CCDC30: variants seen among roughly 807,000 people sequenced by gnomAD.
CCDC30 encodes the protein coiled-coil domain containing 30.
CCDC30 carries 70 observed loss-of-function variants against 100.2 expected under a neutral mutation model. The observed-to-expected ratio is 0.70, with a 90% CI of 0.58 to 0.85. The LOEUF (loss-of-function observed/expected upper bound fraction) is 0.85, where lower values mean the gene tolerates loss of function less well. Ranked by LOEUF, CCDC30 falls within the 40% of genes least tolerant of loss-of-function variation. The probability of loss-of-function intolerance (pLI) is 0.00; values close to 1 mark genes in which losing one functional copy is unlikely to be tolerated. For missense variants in CCDC30, 652 were observed against 771.2 expected, an observed-to-expected ratio of 0.85 and a Z score of 1.83; for synonymous variants, 233 against 269.5, an observed-to-expected ratio of 0.86 and a Z score of 1.33.
At chr1:42,542,135 A>G (rs538047828) in intron 6 of CCDC30, among the ~76,000 whole-genome samples, 1 of 152,368 alleles carries the variant, frequency 6.6e-6, no homozygotes, top group Admixed American at 6.5e-5. Context: ...TGGTAGGAAG[A>G]AGTCTGTGGA....
At chr1:42,532,153 T>A (rs561668523) in intron 6 of CCDC30, among the ~76,000 whole-genome samples, 1 of 152,252 alleles carries the variant, frequency 6.6e-6, no homozygotes, top group South Asian at 2.1e-4. Flanking sequence ...AAAGACTTAA[T>A]GTTTTTGCCA....
intron 15 of CCDC30, among the ~76,000 whole-genome samples, chr1:42,646,520 T>A (rs573738243): frequency 6.6e-6 from 1 of 152,344 alleles, no homozygotes; most frequent in Admixed American, 6.5e-5. Context: ...CACAACTTCC[T>A]GCAGGCAGAA....
rs1570050701 is a variant in CCDC30, at chr1:42,557,719, A to ATATATTAAATAAAATATGT, written c.457-8575_457-8574insTATTAAATAAAATATGTTA. ...TAAATATATTAAATAAAATATGTAAATAATAAAATATTTAAAATTTTAAAA... is the reference window on the plus strand; with the variant it reads ...TAAATATATTAAATAAAATATGTAAATATATTAAATAAAATATGTTAATAAAATATTTAAAATTTTAAAA... On this transcript the variant is annotated intron_variant, in intron 6 of 16. Coordinates refer to ENST00000668663, the Ensembl canonical transcript of CCDC30. Among the ~76,000 whole-genome samples, 16 of 107,108 alleles carry ATATATTAAATAAAATATGT rather than the reference A, an allele frequency of 1.5e-4. No homozygotes were observed. The East Asian group carries it at 4.2e-3, about 28-fold the overall frequency. 70.3% of individuals were successfully genotyped at this position (107,108 alleles called of 152,430 possible).
chr1:42,636,144 A>G (rs6693602), intron 11 of CCDC30, among the ~76,000 whole-genome samples: 23,921 of 152,052 alleles, frequency 0.16, 2,106 homozygotes, highest in South Asian at 0.31. Flanking sequence ...GTCCAGATTC[A>G]CTGGGTGGCT....
chr1:42,606,034 C>T (rs1487527479), intron 10 of CCDC30, among the ~76,000 whole-genome samples: 2 of 152,088 alleles, frequency 1.3e-5, no homozygotes, highest in East Asian at 1.9e-4. Flanking sequence ...GTTGTGAAAG[C>T]GTATATGTAG....
At chr1:42,476,109 G>A (rs1257497592) in intron 1 of CCDC30, among the ~76,000 whole-genome samples, 1 of 152,094 alleles carries the variant, frequency 6.6e-6, no homozygotes, top group Admixed American at 6.6e-5. Context: ...CTTTAACAAG[G>A]TCTGTAAAGA....
At chr1:42,539,076 C>T (rs1287792137) in intron 6 of CCDC30, 97 bp from the exon 8 acceptor site, 7 of 1,017,080 alleles carry the variant, frequency 6.9e-6, no homozygotes, top group Non-Finnish European at 9.3e-6. Context: ...AAAAATTTGT[C>T]AGGACCATTT....
intron 6 of CCDC30, among the ~76,000 whole-genome samples, chr1:42,563,652 G>A (rs957779561): frequency 3.0e-4 from 46 of 152,226 alleles, no homozygotes; most frequent in African/African-American, 1.0e-3. Flanking sequence ...AGGCCAAGGC[G>A]GGTGGATCAC....
intron 6 of CCDC30, among the ~76,000 whole-genome samples, chr1:42,521,918 T>C (rs1469274540): frequency 3.3e-5 from 5 of 152,050 alleles, no homozygotes; most frequent in Admixed American, 6.5e-5. Context: ...TGTCTTTTTT[T>C]ATTCTTTCAC....
At chr1:42,521,750 T>C (rs1569899807) in intron 6 of CCDC30, among the ~76,000 whole-genome samples, 1 of 152,146 alleles carries the variant, frequency 6.6e-6, no homozygotes, top group East Asian at 1.9e-4. Context: ...CCAAAATATG[T>C]GTAATTATGA....
chr1:42,465,805 C>G (rs1643560347), intron 1 of CCDC30, among the ~76,000 whole-genome samples: 1 of 152,140 alleles, frequency 6.6e-6, no homozygotes, highest in South Asian at 2.1e-4. Context: ...GGATGCTGCT[C>G]CATATCTTAA....
chr1:42,518,266 T>C (rs1335764090), intron 6 of CCDC30, among the ~76,000 whole-genome samples: 1 of 152,194 alleles, frequency 6.6e-6, no homozygotes, highest in Non-Finnish European at 1.5e-5. Context: ...CTTTCCAGAT[T>C]GTTCATTGTT....
intron 6 of CCDC30, among the ~76,000 whole-genome samples, chr1:42,519,040 A>G (rs935317873): frequency 6.6e-6 from 1 of 152,240 alleles, no homozygotes; most frequent in East Asian, 1.9e-4. Flanking sequence ...AGATTATTAT[A>G]TGGGTGTTTT....
At chr1:42,586,992 G>A (rs2762692) in intron 9 of CCDC30, among the ~76,000 whole-genome samples, 91,357 of 151,848 alleles carry the variant, frequency 0.6, 27,942 homozygotes, top group East Asian at 0.81. Flanking sequence ...TTTGACTTCC[G>A]AATTTGCTTT....
At chr1:42,510,921 T>C (rs1009726377) in intron 6 of CCDC30, among the ~76,000 whole-genome samples, 1 of 151,966 alleles carries the variant, frequency 6.6e-6, no homozygotes, top group Non-Finnish European at 1.5e-5. Context: ...AAGGCCATGC[T>C]CTTGTGTAAA....
chr1:42,529,517 A>T (rs1644775617), intron 6 of CCDC30: 1 of 152,184 alleles, frequency 6.6e-6, no homozygotes, highest in Non-Finnish European at 1.5e-5. Flanking sequence ...AGTTAGTAAT[A>T]ATCAATTAGA....
At chr1:42,630,422 G>A (rs988761264) in intron 11 of CCDC30, among the ~76,000 whole-genome samples, 2 of 143,220 alleles carry the variant, frequency 1.4e-5, no homozygotes, top group Non-Finnish European at 3.0e-5. Flanking sequence ...TCGCTCTGTT[G>A]CCCAGGTTGG....
At chr1:42,566,992 T>C (rs1645619399) in intron 7 of CCDC30, among the ~76,000 whole-genome samples, 1 of 152,194 alleles carries the variant, frequency 6.6e-6, no homozygotes, top group African/African-American at 2.4e-5. Context: ...ACATAAATGT[T>C]TAAAATTAAC....
At chr1:42,473,194 G>A in intron 1 of CCDC30, 2 of 1,231,204 alleles carry the variant, frequency 1.6e-6, no homozygotes, top group East Asian at 6.3e-5. Context: ...TACTACAGAA[G>A]AACAACTCTG....
Sources: gnomAD v4.1 joint callset for allele counts (sites outside exome capture counted in the v4.1 genomes callset) on GRCh38, gnomAD v4.1.1 for gene constraint, MANE v1.5 for transcripts, NCBI Gene and HGNC (gene_info 2026-07-23, HGNC 2026-07-21) for gene names.